Variants in EVI5 observed in about 807,000 individuals in gnomAD.
The protein encoded by EVI5 is ecotropic viral integration site 5 protein homolog.
A neutral mutation model predicts 112.0 loss-of-function variants in EVI5; 73 were observed. That is an observed-to-expected ratio of 0.65 (90% CI 0.54 to 0.79). The LOEUF (loss-of-function observed/expected upper bound fraction) is 0.79, where lower values mean the gene tolerates loss of function less well. EVI5 is among the 30% of genes least tolerant of loss of function. The pLI is 0.00. For missense variants in EVI5, 900 were observed against 968.8 expected (o/e 0.93, Z 0.94); for synonymous variants, 305 against 319.9 (o/e 0.95, Z 0.50).
intron 1 of EVI5, among the ~76,000 whole-genome samples, chr1:92,760,341 A>C (rs1039536472): frequency 6.6e-6 from 1 of 152,204 alleles, no homozygotes; most frequent in Non-Finnish European, 1.5e-5. Flanking sequence ...GCCTAAAAGC[A>C]TCTTTTTTTC....
At chr1:92,553,552 C>T (rs948107264) in intron 19 of EVI5, among the ~76,000 whole-genome samples, 19 of 152,138 alleles carry the variant, frequency 1.2e-4, no homozygotes, top group African/African-American at 3.6e-4. Flanking sequence ...CCCTCTGCCT[C>T]GGCCTCCCAA....
intron 19 of EVI5, among the ~76,000 whole-genome samples, chr1:92,521,691 C>CA (rs1206621877): frequency 0.041 from 3,349 of 81,530 alleles, 116 homozygotes; most frequent in African/African-American, 0.12. Flanking sequence ...GACTCCGTCT[C>CA]AAAAAAAAAA....
rs35229896 is a variant in EVI5 at position 92,587,388 on chromosome 1, CAAA to C, written c.2070+17916_2070+17918del. On this transcript the variant is annotated intron_variant, in intron 18 of 19. Coordinates refer to ENST00000684568, the MANE Select transcript of EVI5 (RefSeq NM_001350197.2). ...GCCATAAACGATTGTGCTTCAGGGG[CAAA>C]AAAAAAAAAAAAAAACTATTAACAA... 9.7e-3 allele frequency among the ~76,000 whole-genome samples: 1,208 copies of C among 124,256 alleles called. 5 individuals carry two copies. Among genetic ancestry groups the C allele is most frequent in the Middle Eastern group, 0.025 (6 of 240 alleles). The allele number at this position is 124,256 out of a possible 152,430, so 81.5% of individuals were successfully genotyped here.
intron 13 of EVI5, among the ~76,000 whole-genome samples, chr1:92,652,939 G>A (rs1312403814): frequency 2.6e-5 from 4 of 152,134 alleles, no homozygotes; most frequent in Non-Finnish European, 5.9e-5. Context: ...AAGGGTAGTT[G>A]GGAGTGTTTG....
At chr1:92,767,197 A>G (rs917843272) in intron 1 of EVI5, among the ~76,000 whole-genome samples, 1 of 152,050 alleles carries the variant, frequency 6.6e-6, no homozygotes, top group Admixed American at 6.6e-5. Flanking sequence ...TGTATATGCT[A>G]TCCGCCTGTT....
At chr1:92,620,388 C>G (rs1456349011) in intron 16 of EVI5, among the ~76,000 whole-genome samples, 1 of 149,260 alleles carries the variant, frequency 6.7e-6, no homozygotes, top group Non-Finnish European at 1.5e-5. Flanking sequence ...CAAGAAGTTT[C>G]CAAAATTTGT....
Position 92,704,590 on chromosome 1 carries a change from C to T in EVI5, c.304G>A (p.Glu102Lys). ...TTTTCCTTCTTTTTGCGTACATCTT[C>T]CCATTCATTAACAATTCTTCCCCAA... ...ILWGRIVNEW[E>K]DVRKKKEKQV... The change falls in exon 3 of 20, where the codon GAA becomes AAA. Residue 102 changes from glutamate (E) to lysine (K), a missense_variant. Coordinates refer to ENST00000684568, the MANE Select transcript of EVI5 (RefSeq NM_001350197.2). 6.3e-7 allele frequency: 1 copy of T among 1,586,540 alleles called. No homozygotes were observed. The highest frequency in any genetic ancestry group is 8.6e-7 in the Non-Finnish European group (1 of 1,167,630).
At chr1:92,715,659 C>T (rs1283058893) in intron 2 of EVI5, among the ~76,000 whole-genome samples, 1 of 152,310 alleles carries the variant, frequency 6.6e-6, no homozygotes, top group Admixed American at 6.5e-5. Context: ...GGCGGGGCGT[C>T]ACCTCACCCA....
chr1:92,724,388 T>C (rs1022346816), intron 2 of EVI5, among the ~76,000 whole-genome samples: 2 of 152,036 alleles, frequency 1.3e-5, no homozygotes, highest in Non-Finnish European at 2.9e-5. Flanking sequence ...CAAAGGAAAA[T>C]ACAAAACTTT....
intron 11 of EVI5, among the ~76,000 whole-genome samples, chr1:92,665,659 A>C (rs1470473344): frequency 6.6e-6 from 1 of 152,218 alleles, no homozygotes; most frequent in African/African-American, 2.4e-5. Flanking sequence ...TTATAAAAGA[A>C]CATACTTTTT....
chr1:92,657,925 C>A (rs958968445), intron 13 of EVI5, among the ~76,000 whole-genome samples: 1 of 152,100 alleles, frequency 6.6e-6, no homozygotes, highest in Non-Finnish European at 1.5e-5. Flanking sequence ...AATCTGATTT[C>A]ACAAGGACTC....
In EVI5 at chr1:92,694,290, T is replaced by C. The variant is rs753235186; in HGVS notation, c.999+9A>G. On this transcript the variant is annotated intron_variant, in intron 8 of 19. Coordinates refer to ENST00000684568, the MANE Select transcript of EVI5 (RefSeq NM_001350197.2). The stretch of plus-strand genomic sequence containing the variant: ...AAAAAAAAAAAAAGAAAATAAATTA[T>C]GAACTTACCTGTAACATCCCTTCCA... 8.7e-6 allele frequency: 13 copies of C among 1,492,876 alleles called. No individual in the cohort carries two copies. Among genetic ancestry groups the C allele is most frequent in the Non-Finnish European group, 1.2e-5 (13 of 1,085,170 alleles). 92.5% of individuals were successfully genotyped at this position (1,492,876 alleles called of 1,614,324 possible).
chr1:92,784,088 T>C (rs957428707), intron 1 of EVI5, among the ~76,000 whole-genome samples: 1 of 152,016 alleles, frequency 6.6e-6, no homozygotes, highest in Non-Finnish European at 1.5e-5. Context: ...CAGCAATAGA[T>C]AGGAGGAAAG....
Position 92,728,450 on chromosome 1 carries a change from C to T in EVI5, c.149+7948G>A, listed in dbSNP as rs140485164. Among the ~76,000 whole-genome samples the T allele has an allele frequency of 3.3e-3, 495 of 151,810 alleles. 1 individual carries two copies. Among genetic ancestry groups the T allele is most frequent in the Middle Eastern group, 6.8e-3 (2 of 294 alleles). On this transcript the variant is annotated intron_variant, in intron 2 of 19. Coordinates refer to ENST00000684568, the MANE Select transcript of EVI5 (RefSeq NM_001350197.2). Reference sequence around the variant, plus strand: ...GGCTAGAGTGCAGAGTACAGAGGCGCGATCTCTGCTCACTGCAATCTCTGT... The same window carrying T: ...GGCTAGAGTGCAGAGTACAGAGGCGTGATCTCTGCTCACTGCAATCTCTGT...
chr1:92,741,977 C>T (rs986817645), intron 1 of EVI5, among the ~76,000 whole-genome samples: 3 of 151,960 alleles, frequency 2.0e-5, no homozygotes, highest in Non-Finnish European at 2.9e-5. Context: ...AAATTGGACT[C>T]CATCAAAATT....
intron 15 of EVI5, among the ~76,000 whole-genome samples, chr1:92,624,688 TCAAAAAAAAAAAA>T (rs1455251039): frequency 2.4e-5 from 1 of 41,800 alleles, no homozygotes; most frequent in East Asian, 6.3e-4. Flanking sequence ...AGTCTCTACT[TCAAAAAAAAAAAA>T]AAAAAAAAAA....
At chr1:92,570,817 A>G (rs1021702366) in intron 18 of EVI5, among the ~76,000 whole-genome samples, 1 of 152,184 alleles carries the variant, frequency 6.6e-6, no homozygotes, top group African/African-American at 2.4e-5. Flanking sequence ...GGGTCTAGCT[A>G]AAAACTTTGT....
upstream of EVI5, among the ~76,000 whole-genome samples, chr1:92,788,439 A>C (rs1318568851): frequency 6.6e-6 from 1 of 151,624 alleles, no homozygotes; most frequent in Non-Finnish European, 1.5e-5. Context: ...GCACCATTGC[A>C]CTCCAGCCTA....
chr1:92,611,940 T>C (rs762037139), intron 16 of EVI5, among the ~76,000 whole-genome samples: 3 of 151,054 alleles, frequency 2.0e-5, no homozygotes, highest in African/African-American at 7.3e-5. Context: ...AAAAATTAAA[T>C]AGAAAAAAAA....
Sources: gnomAD v4.1 joint callset for allele counts (sites outside exome capture counted in the v4.1 genomes callset) on GRCh38, gnomAD v4.1.1 for gene constraint, MANE v1.5 for transcripts, NCBI Gene and HGNC (gene_info 2026-07-23, HGNC 2026-07-21) for gene names.